Variants in PLXNA4 observed in about 807,000 individuals in gnomAD.
PLXNA4 encodes the protein plexin A4.
A neutral mutation model predicts 191.8 loss-of-function variants in PLXNA4; 44 were observed. The observed-to-expected ratio is 0.23, with a 90% CI of 0.18 to 0.29. PLXNA4 has a LOEUF of 0.29. Ranked by LOEUF, PLXNA4 falls within the 10% of genes least tolerant of loss-of-function variation. The pLI, the probability that PLXNA4 is intolerant of heterozygous loss-of-function variation, is 1.00. For missense variants in PLXNA4, 1,800 were observed against 2,488.8 expected, an observed-to-expected ratio of 0.72 and a Z score of 5.89; for synonymous variants, 1,082 against 1,009.5, an observed-to-expected ratio of 1.07 and a Z score of -1.36.
intron 3 of PLXNA4, among the ~76,000 whole-genome samples, chr7:132,420,473 C>T (rs1262509784): frequency 6.6e-6 from 1 of 152,208 alleles, no homozygotes; most frequent in African/African-American, 2.4e-5. Flanking sequence ...GCCTCCACAG[C>T]CTCCTCAGCT....
chr7:132,251,657 A>T (rs1403325627), intron 4 of PLXNA4, among the ~76,000 whole-genome samples: 3 of 152,218 alleles, frequency 2.0e-5, no homozygotes, highest in African/African-American at 7.2e-5. Context: ...ACCACAAAAA[A>T]ACAGTGTGTG....
intron 4 of PLXNA4, among the ~76,000 whole-genome samples, chr7:132,285,731 A>G (rs1180053646): frequency 6.6e-6 from 1 of 152,248 alleles, no homozygotes; most frequent in Non-Finnish European, 1.5e-5. Context: ...AACGGAGTGT[A>G]AAATGTACTT....
chr7:132,431,700 T>C (rs1795268410), intron 3 of PLXNA4, among the ~76,000 whole-genome samples: 1 of 152,162 alleles, frequency 6.6e-6, no homozygotes, highest in Non-Finnish European at 1.5e-5. Flanking sequence ...ATGATCAGCA[T>C]CTTGGCAGAG....
At chr7:132,235,325 G>C (rs1335801998) in intron 5 of PLXNA4, among the ~76,000 whole-genome samples, 2 of 152,252 alleles carry the variant, frequency 1.3e-5, no homozygotes, top group African/African-American at 2.4e-5. Context: ...AATTAGAGCT[G>C]AAGAAACTAA....
intron 3 of PLXNA4, among the ~76,000 whole-genome samples, chr7:132,447,227 G>A (rs1795945906): frequency 1.3e-5 from 2 of 152,118 alleles, no homozygotes; most frequent in African/African-American, 4.8e-5. Context: ...AGCAGAATTG[G>A]ACCTCATCCC....
At chr7:132,385,304 G>T in intron 3 of PLXNA4, 2 of 1,608,328 alleles carry the variant, frequency 1.2e-6, no homozygotes, top group Non-Finnish European at 1.7e-6. Flanking sequence ...ATCTGGAAAA[G>T]ATGAAACCTT....
chr7:132,539,392 T>C (rs1399836472), intron 1 of PLXNA4, among the ~76,000 whole-genome samples: 1 of 152,172 alleles, frequency 6.6e-6, no homozygotes, highest in East Asian at 1.9e-4. Context: ...GTTCTCAAGT[T>C]GCAATTGGTC....
chr7:132,563,160 C>T (rs1228141115), intron 1 of PLXNA4, among the ~76,000 whole-genome samples: 1 of 86,468 alleles, frequency 1.2e-5, no homozygotes, highest in East Asian at 4.0e-4. Flanking sequence ...CCTTCTCCTC[C>T]TCCTCCTTCT....
chr7:132,263,777 C>G (rs1799742367), intron 4 of PLXNA4, among the ~76,000 whole-genome samples: 1 of 152,194 alleles, frequency 6.6e-6, no homozygotes, highest in African/African-American at 2.4e-5. Context: ...CCTTTCTCAT[C>G]TGTCACATGA....
chr7:132,608,511 CAG>C (rs1802986168), intron 2 of PLXNA4, among the ~76,000 whole-genome samples: 1 of 152,180 alleles, frequency 6.6e-6, no homozygotes, highest in Admixed American at 6.5e-5. Context: ...AAAGTGCTCT[CAG>C]AGAAAGCTGG....
At position 132,213,837 on chromosome 7, in the gene PLXNA4, G is replaced by T. The variant is rs116312586; in HGVS notation, c.2098-2694C>A. On this transcript the variant is annotated intron_variant, in intron 9 of 31. Transcript: ENST00000321063. ...TCCCTGGAGGGAATCAGATCTGGTC[G>T]CACTGGGAGTGAGAGCCAGGAGGCC... 8.4e-3 allele frequency among the ~76,000 whole-genome samples: 1,280 copies of T among 152,220 alleles called. 21 individuals carry two copies. The highest frequency in any genetic ancestry group is 0.029 in the African/African-American group (1,217 of 41,516).
intron 12 of PLXNA4, among the ~76,000 whole-genome samples, chr7:132,199,879 G>T (rs1027562618): frequency 1.3e-5 from 2 of 152,222 alleles, no homozygotes; most frequent in Admixed American, 1.3e-4. Context: ...GTGAGCGTGT[G>T]CAGGGGTGTG....
At chr7:132,384,937 A>T in intron 3 of PLXNA4, 1 of 1,302,424 alleles carries the variant, frequency 7.7e-7, no homozygotes. Context: ...AGAGTCAAAC[A>T]TGCCTACACT....
chr7:132,562,149 C>A (rs1711772638), intron 1 of PLXNA4, among the ~76,000 whole-genome samples: 3 of 115,708 alleles, frequency 2.6e-5, no homozygotes, highest in Admixed American at 8.0e-5. Flanking sequence ...TTCTCCTCCT[C>A]CTTCTCTCCT....
chr7:132,413,877 C>T (rs1794561295), intron 3 of PLXNA4, among the ~76,000 whole-genome samples: 1 of 152,178 alleles, frequency 6.6e-6, no homozygotes. Context: ...GTAAACAAAA[C>T]TCTCAACACC....
chr7:132,219,174 T>G (rs904256145), intron 9 of PLXNA4, among the ~76,000 whole-genome samples: 4 of 152,174 alleles, frequency 2.6e-5, no homozygotes, highest in African/African-American at 9.6e-5. Flanking sequence ...CCCCAGAGAT[T>G]TGCAGAAGAG....
chr7:132,619,119 A>T (rs531480889), intron 2 of PLXNA4, among the ~76,000 whole-genome samples: 2 of 152,332 alleles, frequency 1.3e-5, no homozygotes, highest in East Asian at 3.9e-4. Flanking sequence ...AATCCCAAAA[A>T]ACCTTCTTAA....
chr7:132,299,026 C>T (rs1048811022), intron 3 of PLXNA4, among the ~76,000 whole-genome samples: 1 of 152,248 alleles, frequency 6.6e-6, no homozygotes, highest in African/African-American at 2.4e-5. Context: ...AGCTTTCCAA[C>T]CCTACATGAT....
intron 3 of PLXNA4, among the ~76,000 whole-genome samples, chr7:132,310,436 A>G (rs1801683912): frequency 6.6e-6 from 1 of 152,234 alleles, no homozygotes; most frequent in African/African-American, 2.4e-5. Flanking sequence ...ATAGATGTGT[A>G]GTAAATTGAC....
Sources: gnomAD v4.1 joint callset for allele counts (sites outside exome capture counted in the v4.1 genomes callset) on GRCh38, gnomAD v4.1.1 for gene constraint, MANE v1.5 for transcripts, NCBI Gene and HGNC (gene_info 2026-07-23, HGNC 2026-07-21) for gene names.